The following TMEM164 variants were observed in gnomAD, a reference collection of about 807,000 sequenced individuals.
TMEM164 encodes the protein RP13-360B22.2.
TMEM164 carries 4 observed loss-of-function variants against 18.8 expected under a neutral mutation model. That is an observed-to-expected ratio of 0.21 (90% CI 0.10 to 0.49). The LOEUF (loss-of-function observed/expected upper bound fraction) is 0.49, where lower values mean the gene tolerates loss of function less well. TMEM164 is among the 20% of genes least tolerant of loss of function. The probability of loss-of-function intolerance (pLI) is 0.98; values close to 1 mark genes in which losing one functional copy is unlikely to be tolerated. For missense variants in TMEM164, 108 were observed against 239.9 expected, an observed-to-expected ratio of 0.45 and a Z score of 3.63; for synonymous variants, 86 against 101.7, an observed-to-expected ratio of 0.85 and a Z score of 0.93.
chrX:110,151,187 C>A (rs1406285571), intron 5 of TMEM164, among the ~76,000 whole-genome samples: 1 of 112,169 alleles, frequency 8.9e-6, no homozygotes, highest in Admixed American at 9.4e-5. Context: ...TAACACTGCA[C>A]TGAAGGAACT....
At chrX:110,128,466 T>C in intron 4 of TMEM164, among the ~76,000 whole-genome samples, 1 of 112,418 alleles carries the variant, frequency 8.9e-6, no homozygotes, top group Non-Finnish European at 1.9e-5. Context: ...GGTTTTTTTG[T>C]TTCTTTTTGT....
At chrX:110,113,583 A>G (rs1050707806) in intron 4 of TMEM164, among the ~76,000 whole-genome samples, 3 of 112,152 alleles carry the variant, frequency 2.7e-5, no homozygotes, top group African/African-American at 9.7e-5. Context: ...AATAAAATGA[A>G]CTGATTAGTG....
At chrX:110,180,109 C>T (rs1422014005), downstream of TMEM164, among the ~76,000 whole-genome samples, 4 of 112,375 alleles carry the variant, frequency 3.6e-5, no homozygotes, top group African/African-American at 9.7e-5. Context: ...AACTGTTCAC[C>T]TGACTCTTTC....
intron 4 of TMEM164, among the ~76,000 whole-genome samples, chrX:110,112,229 A>T (rs1315251580): frequency 3.6e-5 from 4 of 111,598 alleles, no homozygotes; most frequent in Non-Finnish European, 7.5e-5. Flanking sequence ...GCTACTTGGG[A>T]GGCTGAGGCA....
intron 5 of TMEM164, among the ~76,000 whole-genome samples, chrX:110,159,244 A>G (rs1043992365): frequency 1.8e-5 from 2 of 110,897 alleles, no homozygotes; most frequent in Admixed American, 1.9e-4. Context: ...CTGGTGTCAG[A>G]GTTCGAGGCC....
chrX:110,124,142 G>GGAAA lies in TMEM164; in HGVS notation c.507+14999_507+15000insAGAA, dbSNP rs2066491855. On this transcript the variant is annotated intron_variant, in intron 4 of 6. Coordinates refer to ENST00000372068, the MANE Select transcript of TMEM164 (RefSeq NM_032227.4). ...CAAATGGAAGGAAGGAAGGAAGGAA[G>GGAAA]GAAGGAAGGAAGGAAGGAAGGAAGG... is the stretch of plus-strand genomic sequence containing the variant. Among the ~76,000 whole-genome samples, 7 of 82,013 alleles carry GGAAA rather than the reference G, an allele frequency of 8.5e-5. No individual in the cohort carries two copies. In the East Asian group the frequency reaches 2.5e-3, roughly 30 times the overall value. The allele number at this position is 82,013 out of a possible 115,157, so 71.2% of individuals were successfully genotyped here.
intron 3 of TMEM164, chrX:110,082,198 T>G (rs914652112): frequency 1.8e-5 from 2 of 113,504 alleles, no homozygotes; most frequent in Admixed American, 9.5e-5. Context: ...CACAGCAACC[T>G]TGGGCATCGT....
chrX:110,162,263 C>G (rs186151710), intron 5 of TMEM164, among the ~76,000 whole-genome samples: 1 of 112,809 alleles, frequency 8.9e-6, no homozygotes, highest in African/African-American at 3.2e-5. Flanking sequence ...GGTCCTTGGA[C>G]TTCAGTGCAT....
At chrX:110,126,810 C>CTGTG (rs4035483) in intron 4 of TMEM164, among the ~76,000 whole-genome samples, 2,880 of 69,505 alleles carry the variant, frequency 0.041, 56 homozygotes, top group African/African-American at 0.059. Flanking sequence ...TGGGCCACTC[C>CTGTG]TGTGTGTGTG....
At chrX:110,014,106 T>A (rs1933166573) in intron 2 of TMEM164, among the ~76,000 whole-genome samples, 1 of 111,134 alleles carries the variant, frequency 9.0e-6, no homozygotes, top group Non-Finnish European at 1.9e-5. Context: ...GCATTTAAGA[T>A]AGTATCTGGC....
At chrX:110,151,458 G>A (rs1034878903) in intron 5 of TMEM164, among the ~76,000 whole-genome samples, 4 of 111,683 alleles carry the variant, frequency 3.6e-5, no homozygotes, top group African/African-American at 1.3e-4. Context: ...TTCACTTTGA[G>A]TGAAGCCAAG....
intron 3 of TMEM164, among the ~76,000 whole-genome samples, chrX:110,086,037 G>A (rs2065847084): frequency 8.9e-6 from 1 of 112,047 alleles, no homozygotes; most frequent in African/African-American, 3.2e-5. Flanking sequence ...CTTCTTTTAG[G>A]TTTCTGTGGG....
At chrX:110,166,871 G>A (rs946530278) in intron 5 of TMEM164, among the ~76,000 whole-genome samples, 5 of 112,224 alleles carry the variant, frequency 4.5e-5, no homozygotes, top group Non-Finnish European at 9.4e-5. Flanking sequence ...TTTCCCAAGG[G>A]CCACATGCAG....
intron 5 of TMEM164, among the ~76,000 whole-genome samples, chrX:110,158,128 C>T (rs867975786): frequency 8.9e-6 from 1 of 111,807 alleles, no homozygotes; most frequent in Middle Eastern, 4.6e-3. Context: ...CTCAAATGAT[C>T]CACCCACTTC....
chrX:110,041,237 A>G (rs1472965406), intron 2 of TMEM164, among the ~76,000 whole-genome samples: 1 of 111,805 alleles, frequency 8.9e-6, no homozygotes, highest in African/African-American at 3.3e-5. Context: ...AGAGGTAGGT[A>G]AGTGCTATAG....
chrX:110,069,522 G>C (rs1293998736), intron 3 of TMEM164, among the ~76,000 whole-genome samples: 3 of 101,814 alleles, frequency 2.9e-5, no homozygotes, highest in African/African-American at 1.1e-4. Flanking sequence ...TTAGCCCTTT[G>C]TCTATCATCA....
chrX:110,080,297 C>T (rs2065734470), intron 3 of TMEM164, among the ~76,000 whole-genome samples: 2 of 111,769 alleles, frequency 1.8e-5, no homozygotes, highest in Non-Finnish European at 3.8e-5. Context: ...ATGTATTTCC[C>T]ATTAACTTAT....
intron 2 of TMEM164, among the ~76,000 whole-genome samples, chrX:110,059,180 A>G (rs897052670): frequency 1.3e-4 from 14 of 111,196 alleles, no homozygotes; most frequent in African/African-American, 4.6e-4. Flanking sequence ...GTAGGGGTCC[A>G]ACTTAATTCT....
At chrX:110,038,234 G>A (rs1423896947) in intron 2 of TMEM164, among the ~76,000 whole-genome samples, 5 of 110,465 alleles carry the variant, frequency 4.5e-5, no homozygotes, top group Non-Finnish European at 9.5e-5. Context: ...CTCGTGATCC[G>A]CCCGCCTCGG....
Sources: allele counts gnomAD v4.1 joint callset (sites outside exome capture counted in the v4.1 genomes callset), GRCh38; gene constraint gnomAD v4.1.1; transcripts MANE v1.5; gene names NCBI Gene and HGNC (gene_info 2026-07-23, HGNC 2026-07-21).